The following KIAA2012 variants were observed in gnomAD, a reference collection of about 807,000 sequenced individuals.
KIAA2012 encodes uncharacterized protein KIAA2012.
A neutral mutation model predicts 150.6 loss-of-function variants in KIAA2012; 125 were observed. The ratio of observed to expected loss-of-function variants is 0.83; its 90% CI spans 0.72 to 0.96. The LOEUF is 0.96. Among genes scored for constraint, KIAA2012 ranks in the 40% least tolerant of loss-of-function variants. KIAA2012 has a pLI of 0.00. For synonymous variants in KIAA2012, 462 were observed against 504.7 expected, an observed-to-expected ratio of 0.92 and a Z score of 1.13; for missense variants, 1,219 against 1,354.9, an observed-to-expected ratio of 0.90 and a Z score of 1.57.
At chr2:202,084,461 G>C (rs550276907) in intron 2 of KIAA2012, among the ~76,000 whole-genome samples, 1 of 152,166 alleles carries the variant, frequency 6.6e-6, no homozygotes, top group South Asian at 2.1e-4. Context: ...CAAGTCCCTC[G>C]TTAAAGGAAG....
At chr2:202,108,397 G>T (rs1170583323) in intron 9 of KIAA2012, among the ~76,000 whole-genome samples, 1 of 152,144 alleles carries the variant, frequency 6.6e-6, no homozygotes, top group East Asian at 1.9e-4. Flanking sequence ...CTAATTCATA[G>T]TCACATTTCT....
intron 11 of KIAA2012, 86 bp downstream of exon 11, chr2:202,113,532 C>A: frequency 1.2e-6 from 1 of 865,570 alleles, no homozygotes; most frequent in Non-Finnish European, 1.8e-6. Context: ...TTCCCAGCAG[C>A]AGCGACATCA....
At chr2:202,146,241 A>G (rs1397431637) in intron 13 of KIAA2012, among the ~76,000 whole-genome samples, 2 of 152,140 alleles carry the variant, frequency 1.3e-5, no homozygotes, top group Non-Finnish European at 2.9e-5. Context: ...GGTGGCTCAC[A>G]TCCATAATCC....
chr2:202,136,374 T>A (rs1691062001), intron 12 of KIAA2012: 1 of 153,450 alleles, frequency 6.5e-6, no homozygotes, highest in African/African-American at 2.4e-5. Flanking sequence ...TGTTCGTCCT[T>A]ACAGAGAGCT....
In KIAA2012 at chr2:202,103,026, C is replaced by G. The variant is rs754182524; in HGVS notation, c.1236C>G (p.Ala412=). 1.5e-5 allele frequency: 24 copies of G among 1,550,522 alleles called. No individual in the cohort carries two copies. The South Asian group carries it at 2.9e-4, about 18-fold the overall frequency. Residue 412 remains alanine (A), a synonymous_variant, in exon 8 of 24, where the codon GCC becomes GCG. Transcript: ENST00000498697. The part of the protein sequence containing the change: ...VLEPLKSQFK[A]NEPPTELFIL... ...AGCCCCTGAAGAGCCAATTTAAAGC[C>G]AATGAGCCCCCAACAGAGCTCTTCA...
At chr2:202,180,626 C>T (rs1692099509) in intron 15 of KIAA2012, among the ~76,000 whole-genome samples, 1 of 152,134 alleles carries the variant, frequency 6.6e-6, no homozygotes. Flanking sequence ...GGGTTTAAGA[C>T]CAGCCTGGCC....
intron 15 of KIAA2012, among the ~76,000 whole-genome samples, chr2:202,182,563 A>G (rs1692143530): frequency 6.6e-6 from 1 of 152,098 alleles, no homozygotes; most frequent in Non-Finnish European, 1.5e-5. Context: ...TTATCTGTTG[A>G]TGGACATTTG....
chr2:202,109,498 T>C, intron 9 of KIAA2012, 115 bp from the exon 10 acceptor site: 1 of 828,028 alleles, frequency 1.2e-6, no homozygotes, highest in Non-Finnish European at 1.8e-6. Context: ...CAATTACCAG[T>C]TCTTCATAGC....
chr2:202,142,281 C>T (rs1308700235), intron 13 of KIAA2012, among the ~76,000 whole-genome samples: 2 of 152,096 alleles, frequency 1.3e-5, no homozygotes, highest in African/African-American at 4.8e-5. Flanking sequence ...GGTTCAATCC[C>T]TTTGTAAAGC....
chr2:202,156,955 T>C (rs1001612029), intron 14 of KIAA2012, among the ~76,000 whole-genome samples: 4 of 152,184 alleles, frequency 2.6e-5, no homozygotes, highest in African/African-American at 7.2e-5. Context: ...TGCTTGTATA[T>C]TTAGTATCCA....
At chr2:202,194,065 G>T in intron 20 of KIAA2012, 125 bp from the exon 21 acceptor site, 4 of 1,005,412 alleles carry the variant, frequency 4.0e-6, no homozygotes, top group Non-Finnish European at 5.8e-6. Flanking sequence ...AGTCTCCTGG[G>T]AATAGGTTGC....
chr2:202,197,320 T>A, intron 22 of KIAA2012: 1 of 430,044 alleles, frequency 2.3e-6, no homozygotes, highest in South Asian at 2.7e-5. Flanking sequence ...AGACAAACAG[T>A]GACTTAGGGA....
intron 9 of KIAA2012, among the ~76,000 whole-genome samples, chr2:202,108,205 A>G (rs1690250001): frequency 6.6e-6 from 1 of 152,222 alleles, no homozygotes. Flanking sequence ...GCTTTTATGT[A>G]TGCATCCACA....
At chr2:202,201,497 A>C (rs1692525267) in intron 22 of KIAA2012, 5 of 1,605,386 alleles carry the variant, frequency 3.1e-6, no homozygotes, top group Middle Eastern at 1.7e-4. Flanking sequence ...GAGGGCATCC[A>C]GGAGGTGGAG....
chr2:202,179,131 G>T, intron 15 of KIAA2012: 1 of 449,382 alleles, frequency 2.2e-6, no homozygotes. Flanking sequence ...TTTGAGGTTG[G>T]TTTTGTTTTA....
At chr2:202,198,775 T>C (rs1692461446) in intron 22 of KIAA2012, among the ~76,000 whole-genome samples, 1 of 152,150 alleles carries the variant, frequency 6.6e-6, no homozygotes. Context: ...TAAATACTTT[T>C]CCCCTTGATA....
chr2:202,128,171 A>C (rs762018962), intron 12 of KIAA2012, among the ~76,000 whole-genome samples: 11 of 152,158 alleles, frequency 7.2e-5, no homozygotes, highest in Non-Finnish European at 1.6e-4. Context: ...CAACATGTGC[A>C]CAATGAACCA....
At chr2:202,158,148 C>A (rs1357367837) in intron 14 of KIAA2012, among the ~76,000 whole-genome samples, 1 of 152,196 alleles carries the variant, frequency 6.6e-6, no homozygotes. Context: ...GCGCCCGCCA[C>A]CATGCCAGGC....
At chr2:202,099,407 T>A (rs575600555) in intron 5 of KIAA2012, among the ~76,000 whole-genome samples, 32 of 152,184 alleles carry the variant, frequency 2.1e-4, no homozygotes, top group Admixed American at 6.5e-4. Flanking sequence ...TGGCTAAGTA[T>A]CATTCTTTCC....
Sources: gnomAD v4.1 joint callset for allele counts (sites outside exome capture counted in the v4.1 genomes callset) on GRCh38, gnomAD v4.1.1 for gene constraint, MANE v1.5 for transcripts, NCBI Gene and HGNC (gene_info 2026-07-23, HGNC 2026-07-21) for gene names.